Variants in GALNTL6 observed in about 807,000 individuals in gnomAD.
GALNTL6 encodes the protein polypeptide N-acetylgalactosaminyltransferase like 6, also known as polypeptide N-acetylgalactosaminyltransferase-like 6.
In GALNTL6, 46 loss-of-function variants were observed where a neutral mutation model predicts 73.7. The ratio of observed to expected loss-of-function variants is 0.62; its 90% CI spans 0.49 to 0.80. The LOEUF (loss-of-function observed/expected upper bound fraction) is 0.80. GALNTL6 is among the 30% of genes least tolerant of loss of function. The pLI, the probability that GALNTL6 is intolerant of heterozygous loss-of-function variation, is 0.00. For synonymous variants in GALNTL6, 259 were observed against 263.7 expected (o/e 0.98, Z 0.17); for missense variants, 604 against 755.0 (o/e 0.80, Z 2.34).
intron 5 of GALNTL6, among the ~76,000 whole-genome samples, chr4:172,688,431 C>T (rs1290824308): frequency 6.6e-6 from 1 of 152,124 alleles, no homozygotes; most frequent in Non-Finnish European, 1.5e-5. Flanking sequence ...AAAGATTGCT[C>T]AGGTTTTCTT....
chr4:172,486,723 A>G (rs866296667), intron 5 of GALNTL6, among the ~76,000 whole-genome samples: 5 of 152,350 alleles, frequency 3.3e-5, no homozygotes, highest in East Asian at 1.9e-4. Context: ...GTCATGCACA[A>G]TCTGTCCTTT....
chr4:172,976,009 G>A (rs370123316), intron 10 of GALNTL6, among the ~76,000 whole-genome samples: 47 of 152,108 alleles, frequency 3.1e-4, no homozygotes, highest in African/African-American at 1.0e-3. Context: ...AGCTCCGCCC[G>A]CTTAACTCGG....
chr4:172,235,083 ATTC>A (rs1737195414), intron 3 of GALNTL6, among the ~76,000 whole-genome samples: 1 of 152,150 alleles, frequency 6.6e-6, no homozygotes, highest in Non-Finnish European at 1.5e-5. Flanking sequence ...TTATTCACAT[ATTC>A]TTATGTCCTC....
intron 2 of GALNTL6, among the ~76,000 whole-genome samples, chr4:172,104,597 GTATC>G (rs1332938593): frequency 1.3e-5 from 2 of 152,096 alleles, no homozygotes; most frequent in East Asian, 3.8e-4. Context: ...ATCTTTATCT[GTATC>G]TGAGTACAAT....
At chr4:172,479,265 T>A (rs1733351781) in intron 5 of GALNTL6, among the ~76,000 whole-genome samples, 1 of 152,144 alleles carries the variant, frequency 6.6e-6, no homozygotes, top group Non-Finnish European at 1.5e-5. Flanking sequence ...GGAGTCAACC[T>A]AAGTGCCCAT....
At chr4:171,928,864 G>T (rs1313003741) in intron 2 of GALNTL6, among the ~76,000 whole-genome samples, 1 of 152,090 alleles carries the variant, frequency 6.6e-6, no homozygotes, top group African/African-American at 2.4e-5. Context: ...GTTATTGTAA[G>T]TACACACTGT....
chr4:172,119,423 T>C (rs1277881887), intron 2 of GALNTL6, among the ~76,000 whole-genome samples: 2 of 152,208 alleles, frequency 1.3e-5, no homozygotes, highest in East Asian at 3.8e-4. Flanking sequence ...TTTCATGCAA[T>C]GCACTCTAGT....
At chr4:172,940,727 G>T (rs1337729354) in intron 9 of GALNTL6, among the ~76,000 whole-genome samples, 1 of 151,968 alleles carries the variant, frequency 6.6e-6, no homozygotes, top group African/African-American at 2.4e-5. Flanking sequence ...AGGCTGAAGT[G>T]CTGTGGTGCA....
At chr4:172,044,350 T>C (rs1376043574) in intron 2 of GALNTL6, among the ~76,000 whole-genome samples, 1 of 151,926 alleles carries the variant, frequency 6.6e-6, no homozygotes, top group African/African-American at 2.4e-5. Context: ...TATAAATACA[T>C]GGCACTTTAA....
chr4:173,022,062 G>GGAAGGAAGGAAGGAAA (rs1753018043), intron 12 of GALNTL6, among the ~76,000 whole-genome samples: 1 of 117,680 alleles, frequency 8.5e-6, no homozygotes, highest in Non-Finnish European at 1.8e-5. Flanking sequence ...AAGGAAGGAA[G>GGAAGGAAGGAAGGAAA]GAAGGAAGGA....
At chr4:172,352,285 C>A (rs567131565) in intron 5 of GALNTL6, among the ~76,000 whole-genome samples, 2 of 152,086 alleles carry the variant, frequency 1.3e-5, no homozygotes, top group Non-Finnish European at 2.9e-5. Context: ...TTTCCTAAAG[C>A]AAGCTTGGTA....
chr4:172,328,671 G>A (rs1741023597), intron 4 of GALNTL6, among the ~76,000 whole-genome samples: 3 of 151,990 alleles, frequency 2.0e-5, no homozygotes, highest in African/African-American at 7.2e-5. Context: ...TCCTCAGCCT[G>A]GTTTATTCTG....
chr4:172,049,665 A>G lies in GALNTL6; in HGVS notation c.139-179991A>G, dbSNP rs75835115. 6.3e-3 allele frequency among the ~76,000 whole-genome samples: 965 copies of G among 152,290 alleles called. 25 individuals carry two copies. Among genetic ancestry groups the G allele is most frequent in the East Asian group, 0.059 (304 of 5,174 alleles). On this transcript the variant is annotated intron_variant, in intron 2 of 12. Transcript: ENST00000506823. ...TAGAAAATGTACTCTTGCCAAGTCA[A>G]GGTAATGTAAGTATTTCTAATAAAA...
At chr4:172,921,199 T>C (rs577976449) in intron 8 of GALNTL6, among the ~76,000 whole-genome samples, 28 of 152,328 alleles carry the variant, frequency 1.8e-4, no homozygotes, top group African/African-American at 6.0e-4. Flanking sequence ...ATTAGAGAGA[T>C]AGCCAATTTT....
chr4:171,989,810 C>T (rs1167455668), intron 2 of GALNTL6, among the ~76,000 whole-genome samples: 2 of 152,086 alleles, frequency 1.3e-5, no homozygotes, highest in Non-Finnish European at 1.5e-5. Flanking sequence ...AGGTCTAGGG[C>T]TGTAAAGCAT....
intron 5 of GALNTL6, among the ~76,000 whole-genome samples, chr4:172,597,200 G>T (rs1030981763): frequency 1.3e-5 from 2 of 152,074 alleles, no homozygotes; most frequent in African/African-American, 2.4e-5. Flanking sequence ...TAATGGATTT[G>T]CTACCCAGGG....
chr4:172,153,924 C>T (rs930390681), intron 2 of GALNTL6, among the ~76,000 whole-genome samples: 2 of 152,146 alleles, frequency 1.3e-5, no homozygotes, highest in Non-Finnish European at 1.5e-5. Flanking sequence ...TGCCAAAAGG[C>T]GGCTGAGGCT....
intron 5 of GALNTL6, among the ~76,000 whole-genome samples, chr4:172,449,846 C>A (rs62331671): frequency 0.017 from 2,514 of 152,298 alleles, 26 homozygotes; most frequent in Non-Finnish European, 0.026. Flanking sequence ...ATACATCCAA[C>A]TTTCTCATCA....
At chr4:171,979,639 T>C (rs965514581) in intron 2 of GALNTL6, among the ~76,000 whole-genome samples, 2 of 152,150 alleles carry the variant, frequency 1.3e-5, no homozygotes, top group East Asian at 3.9e-4. Context: ...GAAAGGCAGT[T>C]GCCAAGGTTC....
Sources: allele counts gnomAD v4.1 joint callset (sites outside exome capture counted in the v4.1 genomes callset), GRCh38; gene constraint gnomAD v4.1.1; transcripts MANE v1.5; gene names NCBI Gene and HGNC (gene_info 2026-07-23, HGNC 2026-07-21).